MAST2: variants seen among roughly 807,000 people sequenced by gnomAD.
MAST2 encodes the protein microtubule-associated serine/threonine-protein kinase 2.
A neutral mutation model predicts 147.4 loss-of-function variants in MAST2; 70 were observed. The observed-to-expected ratio is 0.47, with a 90% CI of 0.39 to 0.58. MAST2 has a LOEUF of 0.58. Ranked by LOEUF, MAST2 falls within the 20% of genes least tolerant of loss-of-function variation. MAST2 has a pLI of 0.00. For missense variants in MAST2, 2,080 were observed against 2,302.3 expected (o/e 0.90, Z 1.98); for synonymous variants, 869 against 896.8 (o/e 0.97, Z 0.55).
rs769061357 is a variant in MAST2 at position 46,010,959 on chromosome 1, G to C, written c.1188+20G>C. 2.5e-6 allele frequency: 4 copies of C among 1,606,252 alleles called. No homozygotes were observed. Among genetic ancestry groups the C allele is most frequent in the Non-Finnish European group, 2.6e-6 (3 of 1,173,276 alleles). Reference sequence around the variant, plus strand: ...CAAGATGTGAGTGTCCTTGTGCTGGGGTTCTGAAAAAACCTCCACCTGGTA... The same window carrying C: ...CAAGATGTGAGTGTCCTTGTGCTGGCGTTCTGAAAAAACCTCCACCTGGTA... On this transcript the variant is annotated intron_variant, in intron 10 of 28. Transcript: ENST00000361297.
chr1:46,031,187 C>T lies in MAST2; in HGVS notation c.2889C>T (p.Pro963=), dbSNP rs375494816. The T allele has an allele frequency of 6.3e-7, 1 of 1,580,462 alleles. No homozygotes were observed. ...QPQEGIWVLT[P]PSGEGVSGPV... Reference sequence around the variant, plus strand: ...AGGAGGGTATATGGGTCCTGACACCCCCATCTGGAGAGGGGGTATCTGGGC... The same window carrying T: ...AGGAGGGTATATGGGTCCTGACACCTCCATCTGGAGAGGGGGTATCTGGGC... The change falls in exon 23 of 29, where the codon CCC becomes CCT. Residue 963 remains proline, a synonymous_variant. Transcript: ENST00000361297. This position sits in a 1 kb window ranked among gnomAD's most constrained non-coding sequence, Gnocchi z 4.1.
chr1:46,004,630 A>G (rs1645411165), intron 7 of MAST2, among the ~76,000 whole-genome samples: 1 of 152,234 alleles, frequency 6.6e-6, no homozygotes, highest in Non-Finnish European at 1.5e-5. Context: ...CTGTGGAGAC[A>G]TCTCACTCGC....
At chr1:45,882,444 C>G in intron 4 of MAST2, 49 bp downstream of exon 4, 6 of 1,415,036 alleles carry the variant, frequency 4.2e-6, no homozygotes, top group Non-Finnish European at 6.0e-6. Context: ...TACTTAGGAA[C>G]CCCTCTTGGG....
chr1:46,022,102 G>A lies in MAST2; in HGVS notation c.1423+20G>A, dbSNP rs746135252. 6.2e-7 allele frequency: 1 copy of A among 1,613,136 alleles called. No individual in the cohort carries two copies. The highest frequency in any genetic ancestry group is 1.1e-5 in the South Asian group (1 of 90,962). ...TAGAAGGTGAGCATGCTGCCTAGTGGCTGCAAAGAGGCCCCACTGCTGCTG... is the reference window on the plus strand; with the variant it reads ...TAGAAGGTGAGCATGCTGCCTAGTGACTGCAAAGAGGCCCCACTGCTGCTG... On this transcript the variant is annotated intron_variant, in intron 12 of 28. Transcript: ENST00000361297.
Position 45,883,139 on chromosome 1 carries a change from G to A in MAST2, c.500+744G>A, listed in dbSNP as rs911874619. On this transcript the variant is annotated intron_variant, in intron 4 of 28. Coordinates refer to ENST00000361297, the MANE Select transcript of MAST2 (RefSeq NM_015112.3). The stretch of plus-strand genomic sequence containing the variant: ...GATTTACTAGTAAAGTCACATCTGG[G>A]GAACCCTAAGGAAATAGAGCTGTGA... Among the ~76,000 whole-genome samples the A allele has an allele frequency of 2.6e-5, 4 of 152,068 alleles. No homozygotes were observed. The South Asian group carries it at 8.3e-4, about 32-fold the overall frequency.
chr1:46,021,580 G>A (rs921918876), intron 11 of MAST2, among the ~76,000 whole-genome samples: 2 of 152,154 alleles, frequency 1.3e-5, no homozygotes, highest in African/African-American at 4.8e-5. Flanking sequence ...GCTCTTGTGA[G>A]CCATAATTGA....
intron 18 of MAST2, 50 bp downstream of exon 18, chr1:46,028,983 A>C: frequency 7.9e-6 from 12 of 1,517,694 alleles, no homozygotes; most frequent in Non-Finnish European, 1.1e-5. Context: ...TGAATCCACA[A>C]ATATGATGTA....
intron 3 of MAST2, among the ~76,000 whole-genome samples, chr1:45,840,087 C>A (rs997288370): frequency 6.6e-6 from 1 of 151,966 alleles, no homozygotes; most frequent in Admixed American, 6.6e-5. Flanking sequence ...AAAAGCTTAA[C>A]CTATAAAAGG....
At chr1:45,864,363 G>A (rs1463008524) in intron 3 of MAST2, among the ~76,000 whole-genome samples, 2 of 152,168 alleles carry the variant, frequency 1.3e-5, no homozygotes, top group Non-Finnish European at 2.9e-5. Context: ...AAAGAGCAGG[G>A]AAACCGACCT....
At chr1:45,850,115 GT>G (rs1250875796) in intron 3 of MAST2, among the ~76,000 whole-genome samples, 1 of 151,962 alleles carries the variant, frequency 6.6e-6, no homozygotes, top group East Asian at 1.9e-4. Context: ...GGCATCTGTT[GT>G]TTTTTTGCTT....
chr1:45,857,850 G>GTTTTTTTTTTTTTTT (rs35371770), intron 3 of MAST2, among the ~76,000 whole-genome samples: 3 of 66,572 alleles, frequency 4.5e-5, no homozygotes, highest in Non-Finnish European at 8.2e-5. Context: ...AACATGCGGT[G>GTTTTTTTTTTTTTTT]TTTTTTTTTT....
intron 28 of MAST2, 80 bp downstream of exon 28, chr1:46,034,346 C>G (rs1320554826): frequency 6.9e-7 from 1 of 1,459,702 alleles, no homozygotes; most frequent in Non-Finnish European, 9.2e-7. Context: ...TCTGACAGAT[C>G]CCACTCTGAG....
intron 7 of MAST2, among the ~76,000 whole-genome samples, chr1:46,004,203 A>G (rs954705423): frequency 1.3e-5 from 2 of 151,906 alleles, no homozygotes; most frequent in African/African-American, 4.8e-5. Flanking sequence ...TCTCCACTAA[A>G]AATACAAAAA....
intron 5 of MAST2, among the ~76,000 whole-genome samples, chr1:45,967,379 A>C (rs555883565): frequency 6.6e-6 from 1 of 152,140 alleles, no homozygotes; most frequent in African/African-American, 2.4e-5. Context: ...CTTGCATATA[A>C]CTTTTGACTG....
intron 3 of MAST2, among the ~76,000 whole-genome samples, chr1:45,829,801 C>T (rs571209431): frequency 1.3e-5 from 2 of 152,000 alleles, no homozygotes; most frequent in East Asian, 1.9e-4. Context: ...TTCCTATTGC[C>T]TCAACCTTCC....
At chr1:45,815,309 A>G (rs1001956422) in intron 1 of MAST2, among the ~76,000 whole-genome samples, 1 of 151,648 alleles carries the variant, frequency 6.6e-6, no homozygotes, top group Admixed American at 6.6e-5. Context: ...AGCTAGGACT[A>G]CAGGCACATG....
rs1557495876 is a variant in MAST2 at position 46,023,805 on chromosome 1, G to A, written c.1605G>A (p.Arg535=). ...TTCTGGTGCGGCACAAGTCCACCCG[G>A]CAGCGCTTTGCCATGAAGAAGATCA... ...AVFLVRHKST[R]QRFAMKKINK... Residue 535 remains arginine (R), a synonymous_variant, in exon 15 of 29, where the codon CGG becomes CGA. Coordinates refer to ENST00000361297, the MANE Select transcript of MAST2 (RefSeq NM_015112.3). This position sits in a 1 kb window ranked among gnomAD's most constrained non-coding sequence, Gnocchi z 4.9. The A allele has an allele frequency of 1.9e-6, 3 of 1,614,102 alleles. No individual in the cohort carries two copies. In the African/African-American group the frequency reaches 4.0e-5, roughly 22 times the overall value.
intron 4 of MAST2, among the ~76,000 whole-genome samples, chr1:45,959,029 C>G (rs964761776): frequency 2.0e-5 from 3 of 152,090 alleles, no homozygotes; most frequent in African/African-American, 7.2e-5. Context: ...TTGACTTGTG[C>G]TTTTTATTTT....
chr1:45,952,333 C>G (rs1469043908), intron 4 of MAST2, among the ~76,000 whole-genome samples: 2 of 152,092 alleles, frequency 1.3e-5, no homozygotes, highest in Non-Finnish European at 2.9e-5. Flanking sequence ...TCCACAGAGA[C>G]AGTGAATCCA....
Sources: allele counts gnomAD v4.1 joint callset (sites outside exome capture counted in the v4.1 genomes callset), GRCh38; gene constraint gnomAD v4.1.1; non-coding constraint Gnocchi (gnomAD v3.1); transcripts MANE v1.5; gene names NCBI Gene and HGNC (gene_info 2026-07-23, HGNC 2026-07-21).